The following LRRC3B variants were observed in gnomAD, a reference collection of about 807,000 sequenced individuals.
The protein encoded by LRRC3B is leucine rich repeat containing 3B.
A neutral mutation model predicts 12.8 loss-of-function variants in LRRC3B; 2 were observed. That is an observed-to-expected ratio of 0.16 (90% confidence interval 0.06 to 0.49). LRRC3B has a LOEUF of 0.49. Among genes scored for constraint, LRRC3B ranks in the 20% least tolerant of loss-of-function variants. The pLI is 0.96. For synonymous variants in LRRC3B, 132 were observed against 122.0 expected (o/e 1.08, Z -0.54); for missense variants, 189 against 319.4 (o/e 0.59, Z 3.11).
intron 1 of LRRC3B, among the ~76,000 whole-genome samples, chr3:26,634,638 T>C (rs892753627): frequency 6.6e-6 from 1 of 152,238 alleles, no homozygotes; most frequent in Non-Finnish European, 1.5e-5. Flanking sequence ...AAGAATCTGC[T>C]GCACTACTTG....
chr3:26,634,006 C>T (rs952956749), intron 1 of LRRC3B, among the ~76,000 whole-genome samples: 2 of 151,610 alleles, frequency 1.3e-5, no homozygotes, highest in African/African-American at 2.4e-5. Flanking sequence ...CAAAATAAAA[C>T]AAAACAAAAT....
chr3:26,626,111 C>T (rs967622853), intron 1 of LRRC3B, among the ~76,000 whole-genome samples: 2 of 152,310 alleles, frequency 1.3e-5, no homozygotes, highest in African/African-American at 4.8e-5. Context: ...GGCCTGTGAG[C>T]CCCTGTGACT....
exon 1 of LRRC3B, chr3:26,622,859 C>A (rs1420314158): frequency 1.3e-5 from 2 of 152,264 alleles, no homozygotes; most frequent in African/African-American, 4.8e-5. Flanking sequence ...TCTCTCCTGT[C>A]TTTGTCTGCT....
intron 1 of LRRC3B, among the ~76,000 whole-genome samples, chr3:26,695,764 G>A (rs1700300715): frequency 6.6e-6 from 1 of 152,154 alleles, no homozygotes; most frequent in South Asian, 2.1e-4. Flanking sequence ...TGACCAAAAA[G>A]TAGGACCCTG....
chr3:26,709,779 A>G, exon 2 of LRRC3B: 1 of 1,614,114 alleles, frequency 6.2e-7, no homozygotes, highest in Non-Finnish European at 8.5e-7. Flanking sequence ...ATGTGTCCCA[A>G]GGGCTGTCTT....
At chr3:26,684,200 C>G (rs1250041553) in intron 1 of LRRC3B, among the ~76,000 whole-genome samples, 1 of 152,190 alleles carries the variant, frequency 6.6e-6, no homozygotes, top group Non-Finnish European at 1.5e-5. Context: ...AAGCTTTGTG[C>G]TTTCTGATAG....
Position 26,640,812 on chromosome 3 carries a change from C to T in LRRC3B, c.-161+17575C>T, listed in dbSNP as rs569885171. Among the ~76,000 whole-genome samples, 5 of 152,044 alleles carry T rather than the reference C, an allele frequency of 3.3e-5. No individual in the cohort carries two copies. In the East Asian group the frequency reaches 7.8e-4, roughly 24 times the overall value. ...TCATATCCATTGGACTGTGAGCTGGCGAAATGGCTTAAAAAGGACTTTGGG... is the reference window on the plus strand; with the variant it reads ...TCATATCCATTGGACTGTGAGCTGGTGAAATGGCTTAAAAAGGACTTTGGG... On this transcript the variant is annotated intron_variant, in intron 1 of 1. Transcript: ENST00000396641.
At chr3:26,635,139 T>C (rs1698839107) in intron 1 of LRRC3B, among the ~76,000 whole-genome samples, 1 of 152,108 alleles carries the variant, frequency 6.6e-6, no homozygotes, top group African/African-American at 2.4e-5. Flanking sequence ...TGTTTTAGTC[T>C]CCTCTGAGCC....
At chr3:26,701,659 C>T (rs975423193) in intron 1 of LRRC3B, among the ~76,000 whole-genome samples, 11 of 152,054 alleles carry the variant, frequency 7.2e-5, no homozygotes, top group African/African-American at 2.7e-4. Context: ...CATCACCCAA[C>T]TCCATCTCCA....
At chr3:26,637,613 T>C (rs987323793) in intron 1 of LRRC3B, among the ~76,000 whole-genome samples, 2 of 152,222 alleles carry the variant, frequency 1.3e-5, no homozygotes, top group East Asian at 3.8e-4. Flanking sequence ...ACGTGGATAT[T>C]CAGGGTCCTA....
At chr3:26,632,267 A>G (rs1156785088) in intron 1 of LRRC3B, among the ~76,000 whole-genome samples, 1 of 152,172 alleles carries the variant, frequency 6.6e-6, no homozygotes, top group East Asian at 1.9e-4. Context: ...CTTGTGTCCA[A>G]CTCTTTATAA....
chr3:26,642,834 T>C (rs1699059552), intron 1 of LRRC3B, among the ~76,000 whole-genome samples: 1 of 151,992 alleles, frequency 6.6e-6, no homozygotes, highest in Non-Finnish European at 1.5e-5. Context: ...CTGGCTAACA[T>C]GGTGAAAGCC....
At position 26,643,276 on chromosome 3, in the gene LRRC3B, G is replaced by A. The variant is rs530823718; in HGVS notation, c.-161+20039G>A. Among the ~76,000 whole-genome samples, 10 of 118,168 alleles carry A rather than the reference G, an allele frequency of 8.5e-5. No individual in the cohort carries two copies. The East Asian group carries it at 1.4e-3, about 17-fold the overall frequency. The allele number at this position is 118,168 out of a possible 152,430, so 77.5% of individuals were successfully genotyped here. On this transcript the variant is annotated intron_variant, in intron 1 of 1. Transcript: ENST00000396641. ...TGTGAGTGTGTGTGTGTGTGTGTGT[G>A]TATACATGTATATGTATATATATAT...
chr3:26,695,042 G>A (rs182164132), intron 1 of LRRC3B, among the ~76,000 whole-genome samples: 139 of 131,632 alleles, frequency 1.1e-3, no homozygotes, highest in African/African-American at 5.0e-3. Context: ...AAGCTTTTGC[G>A]TGTGTGTGTG....
rs1180439663 is a variant in LRRC3B, at chr3:26,704,075, G to A, written c.-160-5438G>A. Among the ~76,000 whole-genome samples, 7 of 151,812 alleles carry A rather than the reference G, an allele frequency of 4.6e-5. No individual in the cohort carries two copies. In the East Asian group the frequency reaches 1.3e-3, roughly 29 times the overall value. On this transcript the variant is annotated intron_variant, in intron 1 of 1. Coordinates refer to ENST00000396641, the Ensembl canonical transcript of LRRC3B. ...GCCCCTCAGTTCCACTACTCACTTG[G>A]AGTTAACCATTACTAATAGTTTCTG...
chr3:26,631,622 T>C (rs1698759458), intron 1 of LRRC3B, among the ~76,000 whole-genome samples: 1 of 152,238 alleles, frequency 6.6e-6, no homozygotes. Context: ...ATGTTTTTGT[T>C]TGTTCTATTT....
intron 1 of LRRC3B, among the ~76,000 whole-genome samples, chr3:26,630,322 C>A (rs550836200): frequency 1.3e-5 from 2 of 152,304 alleles, no homozygotes; most frequent in African/African-American, 2.4e-5. Context: ...CTCCATAGTG[C>A]CCTTTGACAG....
chr3:26,671,979 A>C (rs1211900541), intron 1 of LRRC3B, among the ~76,000 whole-genome samples: 1 of 152,210 alleles, frequency 6.6e-6, no homozygotes, highest in African/African-American at 2.4e-5. Context: ...ACTCTAGTAA[A>C]GTAACAATGA....
At chr3:26,653,112 A>G (rs1191133479) in intron 1 of LRRC3B, among the ~76,000 whole-genome samples, 1 of 151,688 alleles carries the variant, frequency 6.6e-6, no homozygotes, top group East Asian at 1.9e-4. Flanking sequence ...AAAAAAAAAA[A>G]GAAAAATGAG....
Sources: allele counts gnomAD v4.1 joint callset (sites outside exome capture counted in the v4.1 genomes callset), GRCh38; gene constraint gnomAD v4.1.1; transcripts MANE v1.5; gene names NCBI Gene and HGNC (gene_info 2026-07-23, HGNC 2026-07-21).